MRPS10: variants seen among roughly 807,000 people sequenced by gnomAD.
The protein encoded by MRPS10 is small ribosomal subunit protein uS10m.
MRPS10 carries 23 observed loss-of-function variants against 27.5 expected under a neutral mutation model. The ratio of observed to expected loss-of-function variants is 0.84; its 90% CI spans 0.60 to 1.18. MRPS10 has a LOEUF of 1.18. Among genes scored for constraint, MRPS10 ranks in the 50% most tolerant of loss-of-function variants. MRPS10 has a pLI of 0.00. For synonymous variants in MRPS10, 88 were observed against 84.2 expected (o/e 1.04, Z -0.25); for missense variants, 237 against 240.1 (o/e 0.99, Z 0.09).
Position 42,214,151 on chromosome 6 carries a change from A to T in MRPS10, c.155T>A (p.Val52Asp), listed in dbSNP as rs147244800. The T allele has an allele frequency of 3.4e-5, 55 of 1,613,180 alleles. No homozygotes were observed. In the African/African-American group the frequency reaches 6.7e-4, roughly 20 times the overall value. The change falls in exon 3 of 7, where the codon GTT (valine) becomes GAT (aspartate). Residue 52 changes from valine (V) to aspartate (D), a missense_variant. By Grantham distance (152) the Val-to-Asp change is radical. Coordinates refer to ENST00000053468, the MANE Select transcript of MRPS10 (RefSeq NM_018141.4). ...MKWVQFSNLH[V>D]DVPKDLTKPV... is the part of the protein sequence containing the mutation. ...TTTGGTCAAATCCTTTGGAACATCA[A>T]CGTGTAGGTTTGAAAACTGTACCCA...
At chr6:42,216,273 C>G (rs1277699664) in intron 1 of MRPS10, among the ~76,000 whole-genome samples, 1 of 151,052 alleles carries the variant, frequency 6.6e-6, no homozygotes, top group South Asian at 2.1e-4. Flanking sequence ...CCGCCCACCT[C>G]GGCCTCCCAA....
Position 42,211,886 on chromosome 6 carries a change from T to C in MRPS10, c.218A>G (p.Tyr73Cys). The C allele has an allele frequency of 1.2e-6, 2 of 1,613,976 alleles. No homozygotes were observed. The highest frequency in any genetic ancestry group is 2.2e-5 in the South Asian group (2 of 91,042). The change falls in exon 4 of 7, where the codon TAT becomes TGT. Residue 73 changes from tyrosine to cysteine, a missense_variant. Coordinates refer to ENST00000053468, the MANE Select transcript of MRPS10 (RefSeq NM_018141.4). The part of the protein sequence containing the change: ...VTISDEPDIL[Y>C]KRLSVLVKGH... ...TTTCACCAAAACCGAGAGGCGCTTA[T>C]ATAATATGTCTGGTTCATCAGAGAT...
At chr6:42,216,538 C>T (rs989217747) in intron 1 of MRPS10, among the ~76,000 whole-genome samples, 3 of 150,250 alleles carry the variant, frequency 2.0e-5, no homozygotes, top group Admixed American at 1.3e-4. Flanking sequence ...AGGCCGGGTG[C>T]GGTGGCTCAA....
Position 42,208,093 on chromosome 6 carries a change from A to AT in MRPS10, c.*195dup. 1.7e-6 allele frequency: 1 copy of AT among 578,748 alleles called. No homozygotes were observed. The highest frequency in any genetic ancestry group is 3.0e-6 in the Non-Finnish European group (1 of 331,506). 35.9% of individuals were successfully genotyped at this position (578,748 alleles called of 1,614,324 possible). ...GTTTGCTGAAATCAGAACTGAAACA[A>AT]TGAATAAAAAGAATAGATAAAAGTG... On this transcript the variant is annotated 3_prime_UTR_variant, in exon 7 of 7. Transcript: ENST00000053468.
At chr6:42,215,601 T>A (rs1015475923) in intron 1 of MRPS10, among the ~76,000 whole-genome samples, 5 of 152,084 alleles carry the variant, frequency 3.3e-5, no homozygotes, top group Non-Finnish European at 7.4e-5. Context: ...TAATATTTTG[T>A]ACTTTTGTAG....
At chr6:42,214,547 G>A (rs1768868647) in intron 1 of MRPS10, among the ~76,000 whole-genome samples, 1 of 148,496 alleles carries the variant, frequency 6.7e-6, no homozygotes, top group Non-Finnish European at 1.5e-5. Flanking sequence ...AAATACTAGA[G>A]AATCTCTATT....
intron 5 of MRPS10, 111 bp downstream of exon 5, chr6:42,210,377 C>T: frequency 2.3e-6 from 1 of 440,194 alleles, no homozygotes; most frequent in Non-Finnish European, 4.1e-6. Context: ...GTACAACCAA[C>T]AGACATGGGC....
intron 1 of MRPS10, among the ~76,000 whole-genome samples, chr6:42,215,903 C>T (rs1768911810): frequency 6.6e-6 from 1 of 152,142 alleles, no homozygotes; most frequent in Admixed American, 6.5e-5. Flanking sequence ...AGAAAATTCC[C>T]TCCCAACAAT....
In MRPS10 at chr6:42,217,836, G is replaced by C. The variant is rs150173293; in HGVS notation, c.14C>G (p.Thr5Arg). 7 of 1,614,130 alleles carry C rather than the reference G, an allele frequency of 4.3e-6. No homozygotes were observed. The East Asian group carries it at 1.1e-4, about 26-fold the overall frequency. The change falls in exon 1 of 7, where the codon ACA (threonine) becomes AGA (arginine). Residue 5 changes from threonine (T) to arginine (R), a missense_variant. By Grantham distance (71) the Thr-to-Arg change is moderately conservative (BLOSUM62 -1). Around this residue, in one of 3 missense-constraint regions of MRPS10, gnomAD observed 164 missense variants for 137.8 expected, o/e 1.19. Transcript: ENST00000053468. ...GCGCCGGCACACAGCACCGAACGCT[G>C]TCCGCGCCGCCATCTTGCCGGTCCC... MAAR[T>R]AFGAVCRRLW...
chr6:42,208,789 G>T (rs2113858784), intron 6 of MRPS10, 69 bp downstream of exon 6: 1 of 1,066,862 alleles, frequency 9.4e-7, no homozygotes, highest in East Asian at 2.5e-5. Context: ...AGGCTGCAAT[G>T]TATCAAAACA....
At chr6:42,209,658 T>C (rs1053922057) in intron 5 of MRPS10, among the ~76,000 whole-genome samples, 10 of 141,008 alleles carry the variant, frequency 7.1e-5, no homozygotes, top group Non-Finnish European at 1.4e-4. Flanking sequence ...TGAGACAGAA[T>C]TGCTTGAACC....
At chr6:42,214,081 C>G in intron 3 of MRPS10, 39 bp downstream of exon 3, 2 of 1,498,830 alleles carry the variant, frequency 1.3e-6, no homozygotes, top group Non-Finnish European at 1.8e-6. Context: ...AACCTATTGC[C>G]AAGGTAGCTC....
chr6:42,213,147 A>G (rs1387864331), intron 3 of MRPS10, among the ~76,000 whole-genome samples: 1 of 152,210 alleles, frequency 6.6e-6, no homozygotes, highest in Non-Finnish European at 1.5e-5. Context: ...ATGTACTATC[A>G]TAGAAATACA....
intron 1 of MRPS10, among the ~76,000 whole-genome samples, chr6:42,215,526 A>T (rs777223940): frequency 3.9e-5 from 6 of 151,910 alleles, no homozygotes; most frequent in Admixed American, 1.3e-4. Context: ...TCCCAGGTTC[A>T]GGTGGTCCTC....
At position 42,207,078 on chromosome 6, in the gene MRPS10, T is replaced by C. The variant is rs190134395; in HGVS notation, c.*1211A>G. 6.9e-3 allele frequency: 1,051 copies of C among 152,304 alleles called. 16 individuals are homozygous for C. The highest frequency in any genetic ancestry group is 0.025 in the African/African-American group (1,019 of 41,556). 9.4% of individuals were successfully genotyped at this position (152,304 alleles called of 1,614,324 possible). ...CAACTGTTTCAGCCCATTGTAGTCT[T>C]GCCTCTTTCAGGGCTTTAGCCACTA... On this transcript the variant is annotated 3_prime_UTR_variant, in exon 7 of 7. Transcript: ENST00000053468.
chr6:42,212,062 T>C, intron 3 of MRPS10, 145 bp from the exon 4 acceptor site: 11 of 686,404 alleles, frequency 1.6e-5, no homozygotes, highest in East Asian at 5.4e-5. Context: ...TTAGCTGAAG[T>C]GTCTAGATAC....
rs1423934014 is a variant in MRPS10 at position 42,208,165 on chromosome 6, C to G, written c.*124G>C. ...TCCCTGCCCTCAGCTGATGAGGGCA[C>G]GAGAACTCAATGGAGCAGTTAGGGC... On this transcript the variant is annotated 3_prime_UTR_variant, in exon 7 of 7. Transcript: ENST00000053468. 5.4e-6 allele frequency: 4 copies of G among 740,098 alleles called. No homozygotes were observed. The highest frequency in any genetic ancestry group is 2.4e-5 in the Admixed American group (1 of 41,030). 45.8% of individuals were successfully genotyped at this position (740,098 alleles called of 1,614,324 possible). A position where few individuals can be genotyped will look rare whatever the true frequency, so the allele number is the denominator to read the frequency against.
intron 1 of MRPS10, among the ~76,000 whole-genome samples, chr6:42,214,916 G>A (rs1768878658): frequency 6.6e-6 from 1 of 152,052 alleles, no homozygotes; most frequent in African/African-American, 2.4e-5. Context: ...ATGCTACAAC[G>A]AACCCACATT....
intron 1 of MRPS10, among the ~76,000 whole-genome samples, chr6:42,216,026 C>CTTTTTTTTTTTT (rs34985131): frequency 3.5e-5 from 2 of 56,974 alleles, no homozygotes; most frequent in African/African-American, 4.3e-5. Flanking sequence ...TTTTTCTTTT[C>CTTTTTTTTTTTT]TTTTTTTTTT....
Sources: gnomAD v4.1 joint callset for allele counts (sites outside exome capture counted in the v4.1 genomes callset) on GRCh38, gnomAD v4.1.1 for gene constraint, gnomAD v4.1.1 regional missense constraint, MANE v1.5 for transcripts, NCBI Gene and HGNC (gene_info 2026-07-23, HGNC 2026-07-21) for gene names.